Variants in CD22 observed in about 807,000 individuals in gnomAD.
The protein encoded by CD22 is CD22 molecule.
Under a neutral mutation model 94.7 loss-of-function variants are expected in CD22, and 51 were observed. The ratio of observed to expected loss-of-function variants is 0.54; its 90% CI spans 0.43 to 0.68. CD22 has a LOEUF of 0.68. CD22 is among the 30% of genes least tolerant of loss of function. CD22 has a pLI of 0.00. For synonymous variants in CD22, 424 were observed against 422.5 expected (o/e 1.00, Z -0.04); for missense variants, 931 against 1,060.4 (o/e 0.88, Z 1.69).
Position 35,341,633 on chromosome 19 carries a change from G to A in CD22, c.1771+27G>A. On this transcript the variant is annotated intron_variant, in intron 8 of 13. Transcript: ENST00000085219. This position sits in a 1 kb window ranked among gnomAD's most constrained non-coding sequence, Gnocchi z 4.0. ...TGAGTGAGGGCCGGAGGCTGGGAGTGGAGCAGAGAAGGGACCAGTGGCCTG... is the reference window on the plus strand; with the variant it reads ...TGAGTGAGGGCCGGAGGCTGGGAGTAGAGCAGAGAAGGGACCAGTGGCCTG... The A allele has an allele frequency of 1.2e-6, 2 of 1,607,576 alleles. No individual in the cohort carries two copies. The highest frequency in any genetic ancestry group is 1.7e-6 in the Non-Finnish European group (2 of 1,175,334).
chr19:35,335,513 C>T (rs1267405186), intron 3 of CD22, among the ~76,000 whole-genome samples: 13 of 152,024 alleles, frequency 8.6e-5, no homozygotes, highest in Non-Finnish European at 1.9e-4. Context: ...GCTAGGATTG[C>T]GCCACTGCAC....
chr19:35,329,753 C>T, intron 1 of CD22: 1 of 155,768 alleles, frequency 6.4e-6, no homozygotes, highest in South Asian at 2.0e-4. Flanking sequence ...AGGGTGCTGG[C>T]AGAGGAGGGA....
At chr19:35,331,643 G>A (rs1283452765) in intron 1 of CD22, 2 of 217,614 alleles carry the variant, frequency 9.2e-6, no homozygotes, top group African/African-American at 4.7e-5. Context: ...GAGATCAGGA[G>A]TTCAAGACCA....
chr19:35,336,016 C>A lies in CD22; in HGVS notation c.413-20C>A, dbSNP rs772441917. On this transcript the variant is annotated intron_variant, in intron 3 of 13. Coordinates refer to ENST00000085219, the MANE Select transcript of CD22 (RefSeq NM_001771.4). ...GTCCTCAGTCCCCCAGGCTCCTGCA[C>A]GGGCTCTGTTCTTTTGCAGAAAGGC... The A allele has an allele frequency of 1.9e-6, 3 of 1,604,122 alleles. No individual in the cohort carries two copies. Among genetic ancestry groups the A allele is most frequent in the Non-Finnish European group, 2.6e-6 (3 of 1,174,254 alleles).
chr19:35,345,086 A>T lies in CD22; in HGVS notation c.2168A>T (p.Glu723Val). 2 of 1,614,088 alleles carry T rather than the reference A, an allele frequency of 1.2e-6. No homozygotes were observed. Among genetic ancestry groups the T allele is most frequent in the Non-Finnish European group, 1.7e-6 (2 of 1,180,006 alleles). ...ACACAGAGCCAGCAGGGGCTTCAGG[A>T]GAATTCCAGCGGCCAGAGCTTCTTT... is the stretch of plus-strand genomic sequence containing the variant. ...KRTQSQQGLQ[E>V]NSSGQSFFVR... The change falls in exon 11 of 14, where the codon GAG (glutamate) becomes GTG (valine). Residue 723 changes from glutamate (E) to valine (V), a missense_variant. Glu to Val is a moderately radical substitution (Grantham distance 121, BLOSUM62 -2). Coordinates refer to ENST00000085219, the MANE Select transcript of CD22 (RefSeq NM_001771.4).
intron 3 of CD22, among the ~76,000 whole-genome samples, chr19:35,333,521 G>A (rs2066675459): frequency 6.6e-6 from 1 of 152,120 alleles, no homozygotes; most frequent in East Asian, 1.9e-4. Flanking sequence ...TAAAATGTTT[G>A]TTTTACTTTT....
Position 35,336,445 on chromosome 19 carries a change from G to A in CD22, c.718+104G>A, listed in dbSNP as rs1046943033. On this transcript the variant is annotated intron_variant, in intron 4 of 13. Coordinates refer to ENST00000085219, the MANE Select transcript of CD22 (RefSeq NM_001771.4). ...AGGGCAGGGGGAAGCCTGCACAGAC[G>A]GCGGCATCCTCCAGCCCTGGTCACG... is the stretch of plus-strand genomic sequence containing the variant. 2.7e-5 allele frequency: 30 copies of A among 1,113,678 alleles called. No homozygotes were observed. The South Asian group carries it at 2.9e-4, about 11-fold the overall frequency. 69.0% of individuals were successfully genotyped at this position (1,113,678 alleles called of 1,614,324 possible).
chr19:35,331,991 G>A (rs2066652123), intron 1 of CD22, 28 bp from the exon 2 acceptor site: 1 of 1,613,520 alleles, frequency 6.2e-7, no homozygotes, highest in Admixed American at 1.7e-5. Flanking sequence ...CGGCCAGATG[G>A]CTCAAAGACA....
chr19:35,332,226 C>T (rs2145646599), intron 2 of CD22, 152 bp downstream of exon 2: 1 of 778,752 alleles, frequency 1.3e-6, no homozygotes, highest in Non-Finnish European at 2.1e-6. Flanking sequence ...TATATGTTTC[C>T]CATATATACA....
chr19:35,346,301 A>G, intron 13 of CD22, 66 bp downstream of exon 13: 1 of 1,384,890 alleles, frequency 7.2e-7, no homozygotes, highest in Non-Finnish European at 1.0e-6. Context: ...GCCTGGCCTC[A>G]GTGGTGGGTC....
intron 11 of CD22, 113 bp from the exon 12 acceptor site, chr19:35,345,489 G>A (rs1295949492): frequency 1.5e-6 from 1 of 681,362 alleles, no homozygotes; most frequent in Non-Finnish European, 2.6e-6. Flanking sequence ...GGGAAACAAG[G>A]TGAAGGAAGG....
intron 1 of CD22, chr19:35,330,648 G>A (rs2066632064): frequency 6.6e-6 from 1 of 152,308 alleles, no homozygotes; most frequent in South Asian, 2.1e-4. Flanking sequence ...TGATGCGTGT[G>A]AAATGTTGGC....
At chr19:35,342,682 C>T (rs946617402) in intron 9 of CD22, among the ~76,000 whole-genome samples, 9 of 152,290 alleles carry the variant, frequency 5.9e-5, no homozygotes, top group Admixed American at 5.9e-4. Flanking sequence ...TCCTGCCTCC[C>T]TCTAGGGTCC....
chr19:35,333,259 C>T (rs1164905753), intron 3 of CD22, among the ~76,000 whole-genome samples: 1 of 152,184 alleles, frequency 6.6e-6, no homozygotes, highest in Admixed American at 6.5e-5. Context: ...CACCGCATTC[C>T]TTTAGTGGGG....
rs202213388 is a variant in CD22 at position 35,336,109 on chromosome 19, G to A, written c.486G>A (p.Leu162=). ...CCCAGGAAGTCACTCTGACCTGCTT[G>A]CTGAATTTCTCCTGCTATGGGTATC... ...QESQEVTLTC[L]LNFSCYGYPI... is the part of the protein sequence containing the mutation. The change falls in exon 4 of 14, where the codon TTG becomes TTA. Residue 162 remains leucine, a synonymous_variant. Coordinates refer to ENST00000085219, the MANE Select transcript of CD22 (RefSeq NM_001771.4). 1 of 1,614,120 alleles carries A rather than the reference G, an allele frequency of 6.2e-7. No homozygotes were observed. The highest frequency in any genetic ancestry group is 1.7e-5 in the Admixed American group (1 of 60,014).
rs186219805 is a variant in CD22, at chr19:35,345,935, T to C, written c.2327+215T>C. On this transcript the variant is annotated intron_variant, in intron 12 of 13. Transcript: ENST00000085219. ...GCAGCACACATGCCCAGTCCGTTCTTATCACAAAGATCAAGACCTCATGAT... is the reference window on the plus strand; with the variant it reads ...GCAGCACACATGCCCAGTCCGTTCTCATCACAAAGATCAAGACCTCATGAT... 3.8e-3 allele frequency among the ~76,000 whole-genome samples: 579 copies of C among 152,346 alleles called. 3 individuals carry two copies. The highest frequency in any genetic ancestry group is 0.013 in the African/African-American group (554 of 41,584).
chr19:35,335,956 T>C (rs867940015), intron 3 of CD22, 80 bp from the exon 4 acceptor site: 10 of 1,215,484 alleles, frequency 8.2e-6, no homozygotes, highest in Middle Eastern at 4.6e-4. Context: ...AGGGGTGATT[T>C]GGGACAGGAC....
rs1232725231 is a variant in CD22 at position 35,345,709 on chromosome 19, A to T, written c.2316A>T (p.Ile772=). 1.4e-5 allele frequency: 23 copies of T among 1,606,944 alleles called. No individual in the cohort carries two copies. In the South Asian group the frequency reaches 2.4e-4, roughly 17 times the overall value. ...CCCTGCGCTTTCCCGAGATGAACAT[A>T]CCACGAACTGGGTACTGAGGGTACC... ...YTTLRFPEMN[I]PRTGDAESSE... The change falls in exon 12 of 14, where the codon ATA becomes ATT. Residue 772 remains isoleucine, a synonymous_variant. Coordinates refer to ENST00000085219, the MANE Select transcript of CD22 (RefSeq NM_001771.4).
At chr19:35,344,964 T>C (rs2066878742) in intron 10 of CD22, 39 bp downstream of exon 10, 1 of 1,595,538 alleles carries the variant, frequency 6.3e-7, no homozygotes, top group Non-Finnish European at 8.6e-7. Flanking sequence ...CTCTATCCCT[T>C]GGCAGAGGCC....
Sources: gnomAD v4.1 joint callset for allele counts (sites outside exome capture counted in the v4.1 genomes callset) on GRCh38, gnomAD v4.1.1 for gene constraint, Gnocchi (gnomAD v3.1) non-coding constraint, MANE v1.5 for transcripts, NCBI Gene and HGNC (gene_info 2026-07-23, HGNC 2026-07-21) for gene names.